Variants in HPF1 observed in about 807,000 individuals in gnomAD.
The protein encoded by HPF1 is histone PARylation factor 1, also known as UPF0609 protein C4orf27.
A neutral mutation model predicts 38.8 loss-of-function variants in HPF1; 35 were observed. That is an observed-to-expected ratio of 0.90 (90% CI 0.69 to 1.19). The LOEUF is 1.19. HPF1 is among the 50% of genes most tolerant of loss of function. The probability of loss-of-function intolerance (pLI) is 0.00; values close to 1 mark genes in which losing one functional copy is unlikely to be tolerated. For missense variants in HPF1, 367 were observed against 405.8 expected, an observed-to-expected ratio of 0.90 and a Z score of 0.82; for synonymous variants, 115 against 139.2, an observed-to-expected ratio of 0.83 and a Z score of 1.22.
chr4:169,750,764 CAGGT>C (rs1219619053), intron 2 of HPF1, 39 bp from the exon 3 acceptor site: 20 of 1,428,580 alleles, frequency 1.4e-5, no homozygotes, highest in Middle Eastern at 1.8e-4. Context: ...TTTCTGGAGA[CAGGT>C]AGGAAATAAT....
chr4:169,748,897 C>T, intron 3 of HPF1, 55 bp from the exon 4 acceptor site: 4 of 806,584 alleles, frequency 5.0e-6, no homozygotes, highest in Non-Finnish European at 8.1e-6. Flanking sequence ...TATTATCAGG[C>T]AAGTGGGATT....
At chr4:169,752,607 C>T (rs368324639) in intron 2 of HPF1, among the ~76,000 whole-genome samples, 113 of 152,254 alleles carry the variant, frequency 7.4e-4, no homozygotes, top group African/African-American at 2.6e-3. Context: ...CTAATGGTAG[C>T]ATACTCTATA....
At chr4:169,742,130 C>T in intron 4 of HPF1, 23 bp from the exon 5 acceptor site, 1 of 1,603,116 alleles carries the variant, frequency 6.2e-7, no homozygotes, top group Non-Finnish European at 8.5e-7. Flanking sequence ...TAAAAGTCCG[C>T]ATTATGTGGC....
intron 4 of HPF1, among the ~76,000 whole-genome samples, chr4:169,745,252 G>T (rs1734032716): frequency 6.6e-6 from 1 of 152,166 alleles, no homozygotes; most frequent in Non-Finnish European, 1.5e-5. Flanking sequence ...CTAAACCCTG[G>T]GGCAGCTCCC....
At chr4:169,747,895 G>A (rs559106782) in intron 4 of HPF1, among the ~76,000 whole-genome samples, 3 of 152,202 alleles carry the variant, frequency 2.0e-5, no homozygotes, top group Non-Finnish European at 2.9e-5. Flanking sequence ...TTAGCTTCAC[G>A]GGGGCTGAGA....
chr4:169,752,959 T>C (rs1203018720), intron 2 of HPF1, among the ~76,000 whole-genome samples: 2 of 152,132 alleles, frequency 1.3e-5, no homozygotes, highest in African/African-American at 4.8e-5. Context: ...TCTTTCTATA[T>C]TTTCTCTTAC....
At chr4:169,747,666 C>T (rs1734066354) in intron 4 of HPF1, among the ~76,000 whole-genome samples, 1 of 152,200 alleles carries the variant, frequency 6.6e-6, no homozygotes. Flanking sequence ...TATTCCAACC[C>T]CTTCCCCATG....
In HPF1 at chr4:169,733,526, T is replaced by C. The variant is rs1371193165; in HGVS notation, c.737-1650A>G. On this transcript the variant is annotated intron_variant, in intron 6 of 7. Transcript: ENST00000393381. ...CATTAACAATTATACTCAAGAATGA[T>C]AGGTGATGTTAAATTCTATGTATGA... Among the ~76,000 whole-genome samples, 6 of 152,252 alleles carry C rather than the reference T, an allele frequency of 3.9e-5. No homozygotes were observed. In the East Asian group the frequency reaches 9.6e-4, roughly 24 times the overall value.
At position 169,753,790 on chromosome 4, in the gene HPF1, C is replaced by G. The variant is rs1428690162; in HGVS notation, c.94G>C (p.Asp32His). 1.2e-6 allele frequency: 2 copies of G among 1,611,462 alleles called. No homozygotes were observed. The highest frequency in any genetic ancestry group is 1.7e-6 in the Non-Finnish European group (2 of 1,179,386). ...DVKKSKFCEA[D>H]VSSDLRKEVE... is the part of the protein sequence containing the mutation. ...TCTTTTCGAAGGTCACTGGAGACAT[C>G]AGCTTCACAGAATTTACTTTTCTTC... is the stretch of plus-strand genomic sequence containing the variant. The change falls in exon 2 of 8, where the codon GAT (aspartate) becomes CAT (histidine). Residue 32 changes from aspartate to histidine, a missense_variant. Transcript: ENST00000393381.
At chr4:169,737,528 C>T (rs1164622750) in intron 6 of HPF1, 132 bp downstream of exon 6, 1 of 653,498 alleles carries the variant, frequency 1.5e-6, no homozygotes, top group East Asian at 2.7e-5. Context: ...AAAACCTCAG[C>T]TTACTCTTTA....
At chr4:169,741,832 A>G in intron 5 of HPF1, 125 bp downstream of exon 5, 1 of 758,242 alleles carries the variant, frequency 1.3e-6, no homozygotes, top group Non-Finnish European at 2.1e-6. Context: ...TAACATCCCT[A>G]AGGGACAGCA....
intron 6 of HPF1, 69 bp from the exon 7 acceptor site, chr4:169,731,945 A>G: frequency 7.7e-7 from 1 of 1,295,910 alleles, no homozygotes; most frequent in Non-Finnish European, 1.1e-6. Flanking sequence ...CAAAAGTAAG[A>G]AGATTATAAA....
At chr4:169,753,144 G>A (rs752355537) in intron 2 of HPF1, among the ~76,000 whole-genome samples, 3 of 143,850 alleles carry the variant, frequency 2.1e-5, no homozygotes, top group South Asian at 2.3e-4. Flanking sequence ...AGCAATGATC[G>A]TGCCTCAGCT....
At chr4:169,732,269 T>G (rs1329985860) in intron 6 of HPF1, among the ~76,000 whole-genome samples, 1 of 151,750 alleles carries the variant, frequency 6.6e-6, no homozygotes, top group African/African-American at 2.4e-5. Flanking sequence ...GCCTCCCAAG[T>G]AGCTGGCACT....
intron 5 of HPF1, among the ~76,000 whole-genome samples, chr4:169,741,476 T>C (rs6553453): frequency 0.96 from 146,504 of 152,322 alleles, 70,493 homozygotes; most frequent in East Asian, 0.99. Flanking sequence ...GAATCCAACA[T>C]TAACAAGTAT....
At chr4:169,743,299 A>G (rs1323479557) in intron 4 of HPF1, among the ~76,000 whole-genome samples, 1 of 150,312 alleles carries the variant, frequency 6.7e-6, no homozygotes, top group Non-Finnish European at 1.5e-5. Flanking sequence ...TAGTGGAGAC[A>G]GGGTTTCCTC....
chr4:169,748,958 C>CTTT, intron 3 of HPF1, 116 bp from the exon 4 acceptor site: 2 of 464,272 alleles, frequency 4.3e-6, no homozygotes, highest in South Asian at 3.0e-5. Flanking sequence ...TTTTGGAGGC[C>CTTT]TTTTTTTTTT....
intron 6 of HPF1, among the ~76,000 whole-genome samples, chr4:169,737,302 A>C (rs1374566464): frequency 6.7e-6 from 1 of 150,122 alleles, no homozygotes; most frequent in African/African-American, 2.5e-5. Flanking sequence ...AAAAAAAAAA[A>C]AAAAACAAAC....
rs543324083 is a variant in HPF1, at chr4:169,741,818, C to A, written c.648+139G>T. 4 of 678,016 alleles carry A rather than the reference C, an allele frequency of 5.9e-6. No homozygotes were observed. In the East Asian group the frequency reaches 1.1e-4, roughly 18 times the overall value. 42.0% of individuals were successfully genotyped at this position (678,016 alleles called of 1,614,324 possible). A position where few individuals can be genotyped will look rare whatever the true frequency, so the allele number is the denominator to read the frequency against. ...AGTGCCATCCTCTTTCAGTGCCATCCTCCTAACATCCCTAAGGGACAGCAT... is the reference window on the plus strand; with the variant it reads ...AGTGCCATCCTCTTTCAGTGCCATCATCCTAACATCCCTAAGGGACAGCAT... On this transcript the variant is annotated intron_variant, in intron 5 of 7. Transcript: ENST00000393381.
Sources: allele counts gnomAD v4.1 joint callset (sites outside exome capture counted in the v4.1 genomes callset), GRCh38; gene constraint gnomAD v4.1.1; transcripts MANE v1.5; gene names NCBI Gene and HGNC (gene_info 2026-07-23, HGNC 2026-07-21).